The following KCNG2 variants were observed in gnomAD, a reference collection of about 807,000 sequenced individuals.
KCNG2 encodes voltage-gated potassium channel regulatory subunit KCNG2.
In KCNG2, 7 loss-of-function variants were observed where a neutral mutation model predicts 12.3. The observed-to-expected ratio is 0.57, with a 90% CI of 0.32 to 1.07. The LOEUF (loss-of-function observed/expected upper bound fraction) is 1.07. Ranked by LOEUF, KCNG2 falls within the 50% of genes least tolerant of loss-of-function variation. KCNG2 has a pLI of 0.04. For missense variants in KCNG2, 703 were observed against 726.0 expected, an observed-to-expected ratio of 0.97 and a Z score of 0.36; for synonymous variants, 414 against 351.4, an observed-to-expected ratio of 1.18 and a Z score of -1.99.
intron 3 of KCNG2, among the ~76,000 whole-genome samples, chr18:79,888,386 C>T (rs910218335): frequency 2.0e-5 from 3 of 151,398 alleles, no homozygotes; most frequent in Non-Finnish European, 4.4e-5. Context: ...CTCATGAGGC[C>T]GCGGTGGGGC....
At position 79,899,933 on chromosome 18, in the gene KCNG2, G is replaced by A. The variant is rs1310192132; in HGVS notation, c.*117G>A. ...TGGGGGAGCGGCTCCTGCCGGCCGCGTCCTCGGCCCTCGTGCGTGAGCAGC... is the reference window on the plus strand; with the variant it reads ...TGGGGGAGCGGCTCCTGCCGGCCGCATCCTCGGCCCTCGTGCGTGAGCAGC... On this transcript the variant is annotated 3_prime_UTR_variant, in exon 4 of 4. Coordinates refer to ENST00000316249, the MANE Select transcript of KCNG2 (RefSeq NM_012283.2). 8 of 993,610 alleles carry A rather than the reference G, an allele frequency of 8.1e-6. No homozygotes were observed. Among genetic ancestry groups the A allele is most frequent in the East Asian group, 3.5e-5 (1 of 28,238 alleles). 61.5% of individuals were successfully genotyped at this position (993,610 alleles called of 1,614,324 possible). A position where few individuals can be genotyped will look rare whatever the true frequency, so the allele number is the denominator to read the frequency against.
chr18:79,824,108 T>G (rs2123009707), intron 1 of KCNG2, among the ~76,000 whole-genome samples: 1 of 152,308 alleles, frequency 6.6e-6, no homozygotes, highest in East Asian at 1.9e-4. Context: ...GCTCAGATGA[T>G]CCTCCCACCT....
chr18:79,858,734 GTT>G (rs111839466), intron 2 of KCNG2, among the ~76,000 whole-genome samples: 5 of 149,912 alleles, frequency 3.3e-5, no homozygotes, highest in African/African-American at 1.2e-4. Flanking sequence ...CACTTGTTGG[GTT>G]TTTTTTTTCC....
intron 1 of KCNG2, among the ~76,000 whole-genome samples, chr18:79,834,806 T>C (rs1205732158): frequency 1.1e-4 from 16 of 152,186 alleles, no homozygotes; most frequent in Non-Finnish European, 2.9e-5. Context: ...ACAGGAAACA[T>C]TCTTGAGCAG....
At chr18:79,855,147 T>C (rs1978966518) in intron 1 of KCNG2, among the ~76,000 whole-genome samples, 1 of 152,214 alleles carries the variant, frequency 6.6e-6, no homozygotes, top group Non-Finnish European at 1.5e-5. Flanking sequence ...AGGCTGTGTG[T>C]GCTGGCATGT....
chr18:79,860,736 G>A (rs1179592931), intron 2 of KCNG2, among the ~76,000 whole-genome samples: 1 of 152,094 alleles, frequency 6.6e-6, no homozygotes. Context: ...CTGTACATAA[G>A]ATCATAAGAT....
chr18:79,826,709 G>C (rs1395745341), intron 1 of KCNG2, among the ~76,000 whole-genome samples: 2 of 148,648 alleles, frequency 1.3e-5, no homozygotes, highest in East Asian at 4.0e-4. Context: ...GGTTAGTTCG[G>C]CGCGTTACGT....
intron 1 of KCNG2, among the ~76,000 whole-genome samples, chr18:79,836,968 C>T (rs1011279460): frequency 6.6e-6 from 1 of 152,218 alleles, no homozygotes; most frequent in African/African-American, 2.4e-5. Context: ...CAGTCCCCCA[C>T]AGTCTGAACT....
chr18:79,806,276 G>A (rs968265870), intron 1 of KCNG2, among the ~76,000 whole-genome samples: 1 of 152,140 alleles, frequency 6.6e-6, no homozygotes, highest in Admixed American at 6.5e-5. Context: ...TTGAGCGTTT[G>A]TGGTCTCAGG....
chr18:79,876,997 C>A (rs768105263), intron 3 of KCNG2, among the ~76,000 whole-genome samples: 1 of 152,224 alleles, frequency 6.6e-6, no homozygotes, highest in Admixed American at 6.5e-5. Context: ...CGCAGGAAAT[C>A]GAACTGACAC....
At chr18:79,832,810 G>A (rs997812904) in intron 1 of KCNG2, among the ~76,000 whole-genome samples, 3 of 152,180 alleles carry the variant, frequency 2.0e-5, no homozygotes, top group East Asian at 1.9e-4. Context: ...GCTTCAACGT[G>A]TTCTCAGAAG....
intron 1 of KCNG2, among the ~76,000 whole-genome samples, chr18:79,840,968 T>G (rs1444715195): frequency 6.6e-6 from 1 of 152,076 alleles, no homozygotes; most frequent in Non-Finnish European, 1.5e-5. Flanking sequence ...CTATAAACAT[T>G]ACAAAAATAA....
intron 1 of KCNG2, among the ~76,000 whole-genome samples, chr18:79,802,650 C>A (rs970572146): frequency 6.6e-6 from 1 of 152,332 alleles, no homozygotes; most frequent in Non-Finnish European, 1.5e-5. Flanking sequence ...CTGAGCCACC[C>A]CCAACCTGGC....
intron 1 of KCNG2, among the ~76,000 whole-genome samples, chr18:79,810,312 A>G (rs1268914505): frequency 6.6e-6 from 1 of 151,924 alleles, no homozygotes; most frequent in Non-Finnish European, 1.5e-5. Context: ...AGAATTTCTG[A>G]TCAGTGGGGA....
chr18:79,801,060 C>A (rs541227593), intron 1 of KCNG2, among the ~76,000 whole-genome samples: 1 of 152,134 alleles, frequency 6.6e-6, no homozygotes, highest in Admixed American at 6.5e-5. Flanking sequence ...ATGTCCGGGG[C>A]GGCCAAGAGA....
chr18:79,814,111 C>G (rs2087511367), intron 1 of KCNG2, among the ~76,000 whole-genome samples: 1 of 152,180 alleles, frequency 6.6e-6, no homozygotes, highest in Non-Finnish European at 1.5e-5. Flanking sequence ...ACACCGAATG[C>G]TGACAAAGAT....
chr18:79,798,562 C>T (rs538560188), intron 1 of KCNG2, among the ~76,000 whole-genome samples: 2 of 152,312 alleles, frequency 1.3e-5, no homozygotes, highest in Non-Finnish European at 2.9e-5. Context: ...GAGATGAACG[C>T]CCCACTCCCG....
chr18:79,881,564 C>CAGA (rs1342071058), intron 3 of KCNG2, among the ~76,000 whole-genome samples: 2 of 152,196 alleles, frequency 1.3e-5, no homozygotes, highest in Admixed American at 6.5e-5. Flanking sequence ...GATCCATCTA[C>CAGA]GTGCTGATAA....
Position 79,884,808 on chromosome 18 carries a change from CA to C in KCNG2, c.625-14231del, listed in dbSNP as rs1980460361. 6.6e-6 allele frequency among the ~76,000 whole-genome samples: 1 copy of C among 152,210 alleles called. No individual in the cohort carries two copies. The highest frequency in any genetic ancestry group is 1.5e-5 in the Non-Finnish European group (1 of 68,020). On this transcript the variant is annotated intron_variant, in intron 3 of 3. Coordinates refer to ENST00000316249, the MANE Select transcript of KCNG2 (RefSeq NM_012283.2). This position sits in a 1 kb window ranked among gnomAD's most constrained non-coding sequence, Gnocchi z 5.5. ...CAGGAACTCGGGAGCGGTTTACCCA[CA>C]GGTTCCTGTGCGTGGGAGCAAACTT... is the stretch of plus-strand genomic sequence containing the variant.
Sources: gnomAD v4.1 joint callset for allele counts (sites outside exome capture counted in the v4.1 genomes callset) on GRCh38, gnomAD v4.1.1 for gene constraint, Gnocchi (gnomAD v3.1) non-coding constraint, MANE v1.5 for transcripts, NCBI Gene and HGNC (gene_info 2026-07-23, HGNC 2026-07-21) for gene names.